Variants in CSMD1 observed in about 807,000 individuals in gnomAD.
CSMD1 encodes CUB and Sushi multiple domains 1.
Under a neutral mutation model 417.5 loss-of-function variants are expected in CSMD1, and 213 were observed. The ratio of observed to expected loss-of-function variants is 0.51; its 90% CI spans 0.46 to 0.57. The LOEUF (loss-of-function observed/expected upper bound fraction) is 0.57. Among genes scored for constraint, CSMD1 ranks in the 20% least tolerant of loss-of-function variants. The pLI, the probability that CSMD1 is intolerant of heterozygous loss-of-function variation, is 0.00. For missense variants in CSMD1, 6,923 were observed against 4,529.7 expected, an observed-to-expected ratio of 1.53 and a Z score of -15.17; for synonymous variants, 2,862 against 1,736.8, an observed-to-expected ratio of 1.65 and a Z score of -16.11.
At chr8:4,173,058 G>A (rs1797854505) in intron 3 of CSMD1, among the ~76,000 whole-genome samples, 1 of 152,122 alleles carries the variant, frequency 6.6e-6, no homozygotes, top group South Asian at 2.1e-4. Flanking sequence ...TTCCTGCCCA[G>A]CAATAAATAA....
In CSMD1 at chr8:2,950,353, G is replaced by C. The variant is rs768080843; in HGVS notation, c.10202-10C>G. Reference sequence around the variant, plus strand: ...TCCTTCTTGTAAATGCCTGTGAAAAGATCAGCAGTTTAGGCTTACCTTGGA... The same window carrying C: ...TCCTTCTTGTAAATGCCTGTGAAAACATCAGCAGTTTAGGCTTACCTTGGA... On this transcript the variant is annotated splice_polypyrimidine_tract_variant and intron_variant, in intron 66 of 69. Coordinates refer to ENST00000635120, the MANE Select transcript of CSMD1 (RefSeq NM_033225.6). 9 of 1,556,906 alleles carry C rather than the reference G, an allele frequency of 5.8e-6. No individual in the cohort carries two copies. Among genetic ancestry groups the C allele is most frequent in the Non-Finnish European group, 8.0e-6 (9 of 1,128,068 alleles).
At chr8:3,789,369 G>C (rs1055678631) in intron 5 of CSMD1, among the ~76,000 whole-genome samples, 1 of 137,150 alleles carries the variant, frequency 7.3e-6, no homozygotes, top group Admixed American at 7.3e-5. Flanking sequence ...TGTATTGCTA[G>C]TGTTTTTTTT....
chr8:4,321,010 T>C (rs913133832), intron 3 of CSMD1, among the ~76,000 whole-genome samples: 6 of 152,186 alleles, frequency 3.9e-5, no homozygotes, highest in African/African-American at 1.4e-4. Context: ...CTGTAAATTA[T>C]TTATTTCCCA....
chr8:4,912,154 A>C (rs1805729204), intron 1 of CSMD1, among the ~76,000 whole-genome samples: 1 of 150,622 alleles, frequency 6.6e-6, no homozygotes. Context: ...AAGAAAGAAA[A>C]GAAAAGAACG....
intron 3 of CSMD1, among the ~76,000 whole-genome samples, chr8:4,277,230 T>A (rs1044410406): frequency 2.6e-5 from 4 of 151,736 alleles, no homozygotes; most frequent in South Asian, 2.1e-4. Context: ...CACAGACACA[T>A]ACATACTGCT....
intron 3 of CSMD1, among the ~76,000 whole-genome samples, chr8:4,165,188 T>C (rs1797385598): frequency 6.6e-6 from 1 of 152,188 alleles, no homozygotes; most frequent in Admixed American, 6.5e-5. Context: ...AGCCAGTAAC[T>C]ATCAGCAACC....
chr8:4,978,422 G>A (rs1306359520), intron 1 of CSMD1, among the ~76,000 whole-genome samples: 1 of 152,120 alleles, frequency 6.6e-6, no homozygotes, highest in Admixed American at 6.5e-5. Flanking sequence ...TGGAGGGTAT[G>A]TTTAAGTCAA....
chr8:4,208,546 AAT>A (rs1800115786), intron 3 of CSMD1, among the ~76,000 whole-genome samples: 6 of 152,258 alleles, frequency 3.9e-5, no homozygotes, highest in Admixed American at 3.9e-4. Context: ...TTTAAACTTC[AAT>A]ATCAGATTGA....
chr8:4,473,827 A>C (rs1036043902), intron 2 of CSMD1, among the ~76,000 whole-genome samples: 2 of 152,202 alleles, frequency 1.3e-5, no homozygotes, highest in Admixed American at 1.3e-4. Context: ...TAGAATTGTC[A>C]AATAGGAACA....
intron 42 of CSMD1, among the ~76,000 whole-genome samples, chr8:3,112,439 G>A (rs574498059): frequency 6.6e-6 from 1 of 152,212 alleles, no homozygotes; most frequent in Admixed American, 6.5e-5. Context: ...CCTCTTAAAG[G>A]GCAAAAGAAA....
intron 1 of CSMD1, among the ~76,000 whole-genome samples, chr8:4,885,254 G>A (rs1803662425): frequency 6.6e-6 from 1 of 151,930 alleles, no homozygotes; most frequent in Non-Finnish European, 1.5e-5. Context: ...CATTTTCCAT[G>A]TCCAAGAGTG....
At chr8:3,762,277 G>A (rs566315008) in intron 5 of CSMD1, among the ~76,000 whole-genome samples, 1 of 152,050 alleles carries the variant, frequency 6.6e-6, no homozygotes, top group African/African-American at 2.4e-5. Context: ...AGAAATATCT[G>A]CCCTGCATCC....
At chr8:4,009,947 A>C (rs1816415901) in intron 4 of CSMD1, among the ~76,000 whole-genome samples, 1 of 86,624 alleles carries the variant, frequency 1.2e-5, no homozygotes, top group South Asian at 3.3e-4. Context: ...TATCCCTCCA[A>C]CTCTCATCCT....
chr8:3,047,880 A>T (rs932989950), intron 50 of CSMD1, among the ~76,000 whole-genome samples: 5 of 152,208 alleles, frequency 3.3e-5, no homozygotes. Context: ...TATGGCTCAT[A>T]GGGACATAAA....
intron 12 of CSMD1, among the ~76,000 whole-genome samples, chr8:3,433,897 A>G (rs1313783875): frequency 6.6e-6 from 1 of 152,178 alleles, no homozygotes; most frequent in Non-Finnish European, 1.5e-5. Context: ...AGTCAGCTAG[A>G]AAGTTCCCTG....
intron 11 of CSMD1, among the ~76,000 whole-genome samples, chr8:3,473,388 A>G (rs1185190861): frequency 6.6e-6 from 1 of 152,176 alleles, no homozygotes; most frequent in Non-Finnish European, 1.5e-5. Context: ...GTTATTTTAA[A>G]GCTGATTAAC....
At chr8:4,061,541 A>C (rs1342982263) in intron 3 of CSMD1, among the ~76,000 whole-genome samples, 5 of 152,202 alleles carry the variant, frequency 3.3e-5, no homozygotes, top group Admixed American at 6.5e-5. Flanking sequence ...CAGTGAAGAA[A>C]GCCTACAGAA....
intron 3 of CSMD1, among the ~76,000 whole-genome samples, chr8:4,278,757 C>G (rs891110874): frequency 3.3e-5 from 5 of 152,144 alleles, no homozygotes; most frequent in Non-Finnish European, 5.9e-5. Context: ...GGTATAAGAT[C>G]TGAACAAAGA....
chr8:4,994,638 C>T lies in CSMD1; in HGVS notation c.-222G>A, dbSNP rs1053591167. 1.1e-5 allele frequency: 5 copies of T among 443,310 alleles called. No individual in the cohort carries two copies. In the South Asian group the frequency reaches 1.5e-4, roughly 13 times the overall value. The allele number at this position is 443,310 out of a possible 1,614,324, so 27.5% of individuals were successfully genotyped here. A position where few individuals can be genotyped will look rare whatever the true frequency, so the allele number is the denominator to read the frequency against. On this transcript the variant is annotated 5_prime_UTR_variant, in exon 1 of 70. Coordinates refer to ENST00000635120, the MANE Select transcript of CSMD1 (RefSeq NM_033225.6). ...CACTGCAGGGCTGAGCTGCTCCGAG[C>T]GCGGAGACCCGGGCTGGCGGGGCCG...
Sources: allele counts gnomAD v4.1 joint callset (sites outside exome capture counted in the v4.1 genomes callset), GRCh38; gene constraint gnomAD v4.1.1; transcripts MANE v1.5; gene names NCBI Gene and HGNC (gene_info 2026-07-23, HGNC 2026-07-21).